The following CTNNA3 variants were observed in gnomAD, a reference collection of about 807,000 sequenced individuals.
CTNNA3 encodes catenin alpha-3.
Under a neutral mutation model 95.7 loss-of-function variants are expected in CTNNA3, and 76 were observed. The ratio of observed to expected loss-of-function variants is 0.79; its 90% confidence interval spans 0.66 to 0.96. CTNNA3 has a LOEUF of 0.96. CTNNA3 is among the 40% of genes least tolerant of loss of function. CTNNA3 has a pLI of 0.00. For synonymous variants in CTNNA3, 431 were observed against 374.4 expected, an observed-to-expected ratio of 1.15 and a Z score of -1.74; for missense variants, 1,191 against 1,089.8, an observed-to-expected ratio of 1.09 and a Z score of -1.31.
chr10:66,132,245 T>C (rs1315431259), intron 13 of CTNNA3, among the ~76,000 whole-genome samples: 5 of 152,194 alleles, frequency 3.3e-5, no homozygotes, highest in African/African-American at 1.2e-4. Flanking sequence ...AAAGTGGACA[T>C]GAACAGACAC....
chr10:66,338,909 C>A (rs979570014), intron 12 of CTNNA3, among the ~76,000 whole-genome samples: 2 of 151,696 alleles, frequency 1.3e-5, no homozygotes, highest in Non-Finnish European at 3.0e-5. Context: ...AAAATAAATC[C>A]TTGCCATTGT....
At chr10:67,706,151 T>A (rs1323230697) in intron 1 of CTNNA3, among the ~76,000 whole-genome samples, 1 of 152,044 alleles carries the variant, frequency 6.6e-6, no homozygotes, top group Non-Finnish European at 1.5e-5. Flanking sequence ...AGAACCATCT[T>A]GTAAAAATAG....
chr10:67,647,298 T>G (rs1839745794), intron 2 of CTNNA3, 117 bp downstream of exon 2: 5 of 695,676 alleles, frequency 7.2e-6, no homozygotes, highest in South Asian at 2.5e-5. Flanking sequence ...AAGGACAATT[T>G]TAGATGACAT....
intron 7 of CTNNA3, among the ~76,000 whole-genome samples, chr10:66,795,741 G>A (rs979468232): frequency 3.9e-5 from 6 of 152,160 alleles, no homozygotes; most frequent in African/African-American, 1.4e-4. Flanking sequence ...AAAATATGTT[G>A]TTAAGTGTAA....
chr10:66,693,171 C>T (rs746003893), intron 9 of CTNNA3, among the ~76,000 whole-genome samples: 13 of 152,102 alleles, frequency 8.5e-5, no homozygotes, highest in Admixed American at 6.5e-4. Flanking sequence ...GACTGGCAAA[C>T]TGGATAAAGT....
intron 3 of CTNNA3, among the ~76,000 whole-genome samples, chr10:67,585,602 T>C (rs1451509371): frequency 6.6e-6 from 1 of 152,142 alleles, no homozygotes; most frequent in East Asian, 1.9e-4. Flanking sequence ...TTCTTCTAGG[T>C]TTTCTAGTGT....
At chr10:66,073,590 T>C (rs975635143) in intron 14 of CTNNA3, among the ~76,000 whole-genome samples, 2 of 152,132 alleles carry the variant, frequency 1.3e-5, no homozygotes, top group African/African-American at 4.8e-5. Context: ...TTTTAGAAAA[T>C]TATCCTCTTT....
chr10:66,045,236 A>G (rs2079804252), intron 15 of CTNNA3, among the ~76,000 whole-genome samples: 2 of 152,216 alleles, frequency 1.3e-5, no homozygotes, highest in South Asian at 4.1e-4. Flanking sequence ...GAACCTAAAG[A>G]AACAACTCAA....
intron 11 of CTNNA3, among the ~76,000 whole-genome samples, chr10:66,436,743 G>C (rs2093341103): frequency 6.6e-6 from 1 of 151,854 alleles, no homozygotes; most frequent in African/African-American, 2.4e-5. Context: ...ATGCTAGCTG[G>C]TTATTTTGCC....
chr10:67,463,210 A>T (rs912084442), intron 5 of CTNNA3, among the ~76,000 whole-genome samples: 1 of 152,108 alleles, frequency 6.6e-6, no homozygotes, highest in Non-Finnish European at 1.5e-5. Flanking sequence ...CGACCTCTGT[A>T]AGGATTATTT....
At chr10:67,133,117 AG>A (rs1362369726) in intron 7 of CTNNA3, among the ~76,000 whole-genome samples, 3 of 151,700 alleles carry the variant, frequency 2.0e-5, no homozygotes, top group African/African-American at 7.3e-5. Context: ...CAGGTGATGG[AG>A]ACCTCAAATA....
At chr10:66,430,848 G>A (rs1321515096) in intron 11 of CTNNA3, among the ~76,000 whole-genome samples, 1 of 152,132 alleles carries the variant, frequency 6.6e-6, no homozygotes, top group African/African-American at 2.4e-5. Context: ...CATGGGCAAG[G>A]ACTTCATGTC....
At chr10:67,046,989 A>G (rs4746655) in intron 7 of CTNNA3, among the ~76,000 whole-genome samples, 67,339 of 151,964 alleles carry the variant, frequency 0.44, 15,312 homozygotes, top group Middle Eastern at 0.61. Context: ...GGTAGAAAAG[A>G]AATAGTCTAA....
At chr10:66,529,597 T>G (rs1841395816) in intron 10 of CTNNA3, among the ~76,000 whole-genome samples, 1 of 152,116 alleles carries the variant, frequency 6.6e-6, no homozygotes, top group East Asian at 1.9e-4. Flanking sequence ...TCAAAAAAGT[T>G]ATTTTGCTTT....
At position 66,603,652 on chromosome 10, in the gene CTNNA3, C is replaced by T. The variant is rs574473655; in HGVS notation, c.1374+18040G>A. On this transcript the variant is annotated intron_variant, in intron 10 of 17. Transcript: ENST00000433211. The stretch of plus-strand genomic sequence containing the variant: ...AATCCTCAGTAAAAAATGCAAAGCT[C>T]GACATCATACTACATGGTTTTCAAT... Among the ~76,000 whole-genome samples, 12 of 152,050 alleles carry T rather than the reference C, an allele frequency of 7.9e-5. No individual in the cohort carries two copies. The East Asian group carries it at 1.4e-3, about 17-fold the overall frequency.
rs114016005 is a variant in CTNNA3 at position 67,444,812 on chromosome 10, T to A, written c.579+77030A>T. Among the ~76,000 whole-genome samples, 667 of 151,916 alleles carry A rather than the reference T, an allele frequency of 4.4e-3. 7 individuals are homozygous for A. Among genetic ancestry groups the A allele is most frequent in the African/African-American group, 0.015 (625 of 41,426 alleles). Reference sequence around the variant, plus strand: ...GAAAATCTAAAGGAAATGGAAAAATTCCTAGACACATACAACCTACCAAGA... The same window carrying A: ...GAAAATCTAAAGGAAATGGAAAAATACCTAGACACATACAACCTACCAAGA... On this transcript the variant is annotated intron_variant, in intron 5 of 17. Transcript: ENST00000433211.
chr10:67,312,012 C>T (rs560221324), intron 5 of CTNNA3, among the ~76,000 whole-genome samples: 13 of 151,872 alleles, frequency 8.6e-5, no homozygotes, highest in African/African-American at 2.4e-4. Flanking sequence ...CACACCACAC[C>T]GAGCTGATTT....
At chr10:66,492,454 T>A (rs965333486) in intron 11 of CTNNA3, among the ~76,000 whole-genome samples, 2 of 150,970 alleles carry the variant, frequency 1.3e-5, no homozygotes, top group Non-Finnish European at 3.0e-5. Context: ...CAGCTAATTT[T>A]TTTTTTTTTT....
intron 1 of CTNNA3, among the ~76,000 whole-genome samples, chr10:67,654,161 C>A (rs1377604298): frequency 6.6e-6 from 1 of 152,224 alleles, no homozygotes; most frequent in Non-Finnish European, 1.5e-5. Flanking sequence ...ACCTCCACCA[C>A]CTCCTTCTAA....
Sources: gnomAD v4.1 joint callset for allele counts (sites outside exome capture counted in the v4.1 genomes callset) on GRCh38, gnomAD v4.1.1 for gene constraint, MANE v1.5 for transcripts, NCBI Gene and HGNC (gene_info 2026-07-23, HGNC 2026-07-21) for gene names.